The following COL24A1 variants were observed in gnomAD, a reference collection of about 807,000 sequenced individuals.
COL24A1 encodes the protein collagen type XXIV alpha 1 chain, also known as collagen alpha-1(XXIV) chain.
A neutral mutation model predicts 253.9 loss-of-function variants in COL24A1; 224 were observed. That is an observed-to-expected ratio of 0.88 (90% confidence interval 0.79 to 0.99). COL24A1 has a LOEUF of 0.99. COL24A1 is among the 50% of genes least tolerant of loss of function. COL24A1 has a pLI of 0.00. For missense variants in COL24A1, 2,131 were observed against 2,068.5 expected, an observed-to-expected ratio of 1.03 and a Z score of -0.59; for synonymous variants, 685 against 673.7, an observed-to-expected ratio of 1.02 and a Z score of -0.26.
At chr1:86,114,390 T>C (rs1371400811) in intron 4 of COL24A1, among the ~76,000 whole-genome samples, 1 of 152,130 alleles carries the variant, frequency 6.6e-6, no homozygotes, top group East Asian at 1.9e-4. Flanking sequence ...TAGCAGTGGA[T>C]AGGGAATAGA....
chr1:86,038,301 C>A (rs1340221663), intron 12 of COL24A1, among the ~76,000 whole-genome samples: 4 of 152,088 alleles, frequency 2.6e-5, no homozygotes, highest in Non-Finnish European at 5.9e-5. Flanking sequence ...ACGTAAGATT[C>A]TATTGCATTC....
At chr1:86,030,843 C>T (rs1571669700) in intron 14 of COL24A1, among the ~76,000 whole-genome samples, 1 of 151,842 alleles carries the variant, frequency 6.6e-6, no homozygotes, top group South Asian at 2.1e-4. Flanking sequence ...AGTAACCCTC[C>T]TGCCTTGGCC....
chr1:86,007,406 G>A (rs950774042), intron 19 of COL24A1, among the ~76,000 whole-genome samples: 10 of 152,070 alleles, frequency 6.6e-5, no homozygotes, highest in South Asian at 2.1e-4. Context: ...TTTGGAAGAC[G>A]GAGTTTATTA....
rs568165146 is a variant in COL24A1 at position 85,739,362 on chromosome 1, C to A, written c.4673-1857G>T. ...TATTTGGGTAGGGGCTCCATAATTT[C>A]TTTCAAGGTATGCCAAGCTAGAGAT... On this transcript the variant is annotated intron_variant, in intron 57 of 59. Coordinates refer to ENST00000370571, the MANE Select transcript of COL24A1 (RefSeq NM_152890.7). Among the ~76,000 whole-genome samples the A allele has an allele frequency of 1.3e-5, 2 of 152,146 alleles. 1 individual carries two copies. Among genetic ancestry groups the A allele is most frequent in the Non-Finnish European group, 2.9e-5 (2 of 68,008 alleles).
At chr1:86,077,413 T>G (rs1702329621) in intron 7 of COL24A1, among the ~76,000 whole-genome samples, 1 of 152,186 alleles carries the variant, frequency 6.6e-6, no homozygotes, top group Admixed American at 6.5e-5. Flanking sequence ...GTTCAACTAC[T>G]GTGAAAGATA....
chr1:85,772,765 A>G (rs1264236419), intron 53 of COL24A1, among the ~76,000 whole-genome samples: 1 of 152,078 alleles, frequency 6.6e-6, no homozygotes, highest in African/African-American at 2.4e-5. Context: ...GATTCTGGAT[A>G]TTAGCCCTTT....
intron 32 of COL24A1, among the ~76,000 whole-genome samples, chr1:85,885,913 G>A (rs761667272): frequency 6.6e-6 from 1 of 152,048 alleles, no homozygotes; most frequent in Non-Finnish European, 1.5e-5. Context: ...CTGTCTTTAT[G>A]GCCTTCAGCT....
intron 28 of COL24A1, among the ~76,000 whole-genome samples, chr1:85,905,466 T>C (rs1858556): frequency 0.31 from 47,596 of 151,910 alleles, 8,464 homozygotes; most frequent in East Asian, 0.51. Flanking sequence ...TTCGGTATGT[T>C]TTCTGTATGC....
chr1:85,926,752 C>T lies in COL24A1; in HGVS notation c.2563-15319G>A, dbSNP rs189578405. 1.6e-4 allele frequency among the ~76,000 whole-genome samples: 24 copies of T among 151,996 alleles called. No individual in the cohort carries two copies. The East Asian group carries it at 2.3e-3, about 15-fold the overall frequency. On this transcript the variant is annotated intron_variant, in intron 24 of 59. Coordinates refer to ENST00000370571, the MANE Select transcript of COL24A1 (RefSeq NM_152890.7). ...TAATGGGTGTAGCAAACCAACATGG[C>T]GCATGTATACCTATGTAACAAACCT...
chr1:85,754,255 G>A (rs1665932005), intron 55 of COL24A1, among the ~76,000 whole-genome samples: 1 of 18,624 alleles, frequency 5.4e-5, no homozygotes, highest in Non-Finnish European at 1.3e-4. Flanking sequence ...GATGAAATTG[G>A]AAACCATCAT....
intron 11 of COL24A1, among the ~76,000 whole-genome samples, chr1:86,049,917 A>G (rs1453628445): frequency 1.3e-5 from 2 of 152,140 alleles, no homozygotes; most frequent in Admixed American, 1.3e-4. Context: ...AAGTACAATT[A>G]TATTTCTATC....
chr1:85,903,055 A>C (rs1486531999), intron 28 of COL24A1, among the ~76,000 whole-genome samples: 1 of 107,652 alleles, frequency 9.3e-6, no homozygotes, highest in Admixed American at 1.1e-4. Context: ...ATCAATAAAA[A>C]AGAATGCTTC....
At chr1:85,997,055 G>GTGTGTGTGTGTA in intron 19 of COL24A1, among the ~76,000 whole-genome samples, 1 of 95,090 alleles carries the variant, frequency 1.1e-5, no homozygotes. Context: ...GTGTGTGTGT[G>GTGTGTGTGTGTA]TATATATATA....
chr1:86,034,492 G>C (rs1456238523), intron 12 of COL24A1, among the ~76,000 whole-genome samples: 2 of 152,078 alleles, frequency 1.3e-5, no homozygotes, highest in Non-Finnish European at 2.9e-5. Flanking sequence ...ATTAAAAATG[G>C]GTGGGACTGA....
At chr1:85,873,192 C>G (rs1003591011) in intron 35 of COL24A1, among the ~76,000 whole-genome samples, 5 of 152,136 alleles carry the variant, frequency 3.3e-5, no homozygotes, top group African/African-American at 1.2e-4. Context: ...ACAACAAATG[C>G]TGGAGAGGAG....
At chr1:85,999,618 T>A (rs1695198318) in intron 19 of COL24A1, among the ~76,000 whole-genome samples, 1 of 143,154 alleles carries the variant, frequency 7.0e-6, no homozygotes, top group African/African-American at 2.6e-5. Context: ...AGACCCTGTC[T>A]CACTAAAATA....
intron 52 of COL24A1, among the ~76,000 whole-genome samples, chr1:85,778,758 C>T (rs1558090196): frequency 6.6e-6 from 1 of 151,950 alleles, no homozygotes; most frequent in Non-Finnish European, 1.5e-5. Context: ...GCATGTACCG[C>T]CACACCCGGC....
intron 31 of COL24A1, among the ~76,000 whole-genome samples, chr1:85,892,333 C>T (rs765245652): frequency 1.3e-5 from 2 of 151,850 alleles, no homozygotes; most frequent in Non-Finnish European, 2.9e-5. Context: ...ACAAAAAATC[C>T]CCCAAAAGAC....
Position 85,935,732 on chromosome 1 carries a change from C to T in COL24A1, c.2563-24299G>A, listed in dbSNP as rs147839578. ...AGGCTTGACTGACAGTTTATTAATTCGGGAGCACTTTCCAAGTATCAGACT... is the reference window on the plus strand; with the variant it reads ...AGGCTTGACTGACAGTTTATTAATTTGGGAGCACTTTCCAAGTATCAGACT... On this transcript the variant is annotated intron_variant, in intron 24 of 59. Coordinates refer to ENST00000370571, the MANE Select transcript of COL24A1 (RefSeq NM_152890.7). 3.5e-4 allele frequency among the ~76,000 whole-genome samples: 51 copies of T among 146,892 alleles called. 6 individuals carry two copies. Among genetic ancestry groups the T allele is most frequent in the Middle Eastern group, 3.5e-3 (1 of 282 alleles).
Sources: gnomAD v4.1 joint callset for allele counts (sites outside exome capture counted in the v4.1 genomes callset) on GRCh38, gnomAD v4.1.1 for gene constraint, MANE v1.5 for transcripts, NCBI Gene and HGNC (gene_info 2026-07-23, HGNC 2026-07-21) for gene names.